AFAP1: variants seen among roughly 807,000 people sequenced by gnomAD.
The protein encoded by AFAP1 is actin filament associated protein 1, also known as actin filament-associated protein 1.
Under a neutral mutation model 93.9 loss-of-function variants are expected in AFAP1, and 75 were observed. That is an observed-to-expected ratio of 0.80 (90% CI 0.66 to 0.97). AFAP1 has a LOEUF of 0.97. Among genes scored for constraint, AFAP1 ranks in the 50% least tolerant of loss-of-function variants. AFAP1 has a pLI of 0.00. For synonymous variants in AFAP1, 517 were observed against 430.7 expected, an observed-to-expected ratio of 1.20 and a Z score of -2.48; for missense variants, 1,201 against 1,050.8, an observed-to-expected ratio of 1.14 and a Z score of -1.98.
chr4:7,821,072 C>A (rs1431599373), intron 6 of AFAP1, among the ~76,000 whole-genome samples: 1 of 152,146 alleles, frequency 6.6e-6, no homozygotes, highest in Non-Finnish European at 1.5e-5. Context: ...GAGCCGAGAT[C>A]GCACCACTGC....
At chr4:7,868,337 C>T (rs1317084269) in intron 3 of AFAP1, among the ~76,000 whole-genome samples, 8 of 152,048 alleles carry the variant, frequency 5.3e-5, no homozygotes, top group Admixed American at 1.3e-4. Flanking sequence ...CTTAATCTGA[C>T]GTAAGAAAAG....
chr4:7,810,813 G>C lies in AFAP1; in HGVS notation c.905-1050C>G, dbSNP rs376264502. The stretch of plus-strand genomic sequence containing the variant: ...GACGGGCCGGTGAGGGACAACACGG[G>C]GCGGTTCTCATCACTCCCCATCATC... On this transcript the variant is annotated intron_variant, in intron 8 of 17. Coordinates refer to ENST00000420658, the MANE Select transcript of AFAP1 (RefSeq NM_001134647.2). 6.6e-5 allele frequency among the ~76,000 whole-genome samples: 10 copies of C among 152,310 alleles called. No homozygotes were observed. The South Asian group carries it at 2.1e-3, about 32-fold the overall frequency.
At chr4:7,793,288 A>G (rs2149010001) in intron 11 of AFAP1, among the ~76,000 whole-genome samples, 1 of 152,308 alleles carries the variant, frequency 6.6e-6, no homozygotes, top group African/African-American at 2.4e-5. Context: ...CCCCTAATAC[A>G]GGGGTCAGCA....
At chr4:7,801,656 C>T (rs769920303) in intron 9 of AFAP1, among the ~76,000 whole-genome samples, 1 of 151,886 alleles carries the variant, frequency 6.6e-6, no homozygotes, top group Non-Finnish European at 1.5e-5. Flanking sequence ...AAAGGAAGTA[C>T]CAGATTCCTA....
At chr4:7,836,320 C>T (rs1321735468) in intron 6 of AFAP1, among the ~76,000 whole-genome samples, 1 of 152,196 alleles carries the variant, frequency 6.6e-6, no homozygotes, top group Non-Finnish European at 1.5e-5. Context: ...CACGAAAGCC[C>T]AAGTACTGTA....
intron 8 of AFAP1, among the ~76,000 whole-genome samples, chr4:7,815,003 C>T (rs1720350381): frequency 6.6e-6 from 1 of 152,254 alleles, no homozygotes; most frequent in African/African-American, 2.4e-5. Context: ...TGGGAACCAC[C>T]CAAGTGTTCA....
chr4:7,783,994 G>A (rs1031427868), intron 12 of AFAP1, among the ~76,000 whole-genome samples: 4 of 152,210 alleles, frequency 2.6e-5, no homozygotes, highest in African/African-American at 9.6e-5. Flanking sequence ...GGGTGACACA[G>A]GGCAAATGGA....
intron 11 of AFAP1, among the ~76,000 whole-genome samples, chr4:7,793,053 C>T (rs1318531596): frequency 6.6e-6 from 1 of 152,126 alleles, no homozygotes; most frequent in Non-Finnish European, 1.5e-5. Flanking sequence ...TGGAAAATCT[C>T]CAGGGGTTCT....
chr4:7,863,871 C>T (rs977209448), intron 3 of AFAP1, among the ~76,000 whole-genome samples: 3 of 152,214 alleles, frequency 2.0e-5, no homozygotes, highest in Non-Finnish European at 4.4e-5. Flanking sequence ...TGTGCTTCAA[C>T]GCATGGGAAA....
intron 1 of AFAP1, among the ~76,000 whole-genome samples, chr4:7,920,393 G>A (rs992552430): frequency 1.3e-5 from 2 of 152,058 alleles, no homozygotes; most frequent in African/African-American, 2.4e-5. Context: ...ATTATTGTGC[G>A]CTAACTTTTT....
chr4:7,871,864 A>G, intron 2 of AFAP1, 88 bp downstream of exon 2: 1 of 1,489,132 alleles, frequency 6.7e-7, no homozygotes, highest in Non-Finnish European at 9.1e-7. Context: ...GAACAAATAA[A>G]TATATTTTAG....
At chr4:7,851,930 C>T (rs961685153) in intron 4 of AFAP1, among the ~76,000 whole-genome samples, 1 of 152,160 alleles carries the variant, frequency 6.6e-6, no homozygotes, top group East Asian at 1.9e-4. Context: ...ATGATGGGAT[C>T]CCCACACCAT....
At chr4:7,861,535 G>A (rs1715684275) in intron 3 of AFAP1, among the ~76,000 whole-genome samples, 1 of 152,192 alleles carries the variant, frequency 6.6e-6, no homozygotes, top group African/African-American at 2.4e-5. Context: ...TAAACACTGG[G>A]AAGATTGTCT....
At chr4:7,767,168 C>T (rs996949187) in intron 17 of AFAP1, among the ~76,000 whole-genome samples, 22 of 152,174 alleles carry the variant, frequency 1.4e-4, no homozygotes, top group Admixed American at 5.9e-4. Flanking sequence ...GCTGGAGGGA[C>T]GAGAGCAGCT....
At chr4:7,802,521 T>A (rs565949444) in intron 9 of AFAP1, among the ~76,000 whole-genome samples, 1 of 152,320 alleles carries the variant, frequency 6.6e-6, no homozygotes, top group East Asian at 1.9e-4. Context: ...TGAACCCCTG[T>A]TGGGAGTTAA....
chr4:7,905,784 C>A (rs1027054351), intron 1 of AFAP1, among the ~76,000 whole-genome samples: 3 of 152,236 alleles, frequency 2.0e-5, no homozygotes, highest in African/African-American at 7.2e-5. Context: ...GATACAATCA[C>A]AACCTTCACA....
At chr4:7,825,554 T>C (rs958717156) in intron 6 of AFAP1, among the ~76,000 whole-genome samples, 2 of 152,088 alleles carry the variant, frequency 1.3e-5, no homozygotes, top group East Asian at 1.9e-4. Flanking sequence ...ATAATAAAAG[T>C]ACAAAATATC....
At chr4:7,835,960 A>G (rs1271298630) in intron 6 of AFAP1, among the ~76,000 whole-genome samples, 1 of 152,168 alleles carries the variant, frequency 6.6e-6, no homozygotes, top group Non-Finnish European at 1.5e-5. Flanking sequence ...AACACCCCCA[A>G]GTGTGCGGGA....
At position 7,908,784 on chromosome 4, in the gene AFAP1, A is replaced by G. The variant is rs114143497; in HGVS notation, c.-3+30872T>C. Reference sequence around the variant, plus strand: ...GGAAGCACCTGTTCTTGTCTGGATGATGCATAGTTAACGAAGTCTGAGTGC... The same window carrying G: ...GGAAGCACCTGTTCTTGTCTGGATGGTGCATAGTTAACGAAGTCTGAGTGC... On this transcript the variant is annotated intron_variant, in intron 1 of 17. Coordinates refer to ENST00000420658, the MANE Select transcript of AFAP1 (RefSeq NM_001134647.2). Among the ~76,000 whole-genome samples, 1,043 of 152,328 alleles carry G rather than the reference A, an allele frequency of 6.8e-3. 8 individuals carry two copies. The highest frequency in any genetic ancestry group is 0.022 in the African/African-American group (932 of 41,570).
Sources: allele counts gnomAD v4.1 joint callset (sites outside exome capture counted in the v4.1 genomes callset), GRCh38; gene constraint gnomAD v4.1.1; transcripts MANE v1.5; gene names NCBI Gene and HGNC (gene_info 2026-07-23, HGNC 2026-07-21).